The following UNC13A variants were observed in gnomAD, a reference collection of about 807,000 sequenced individuals.
The protein encoded by UNC13A is protein unc-13 homolog A.
Under a neutral mutation model 219.7 loss-of-function variants are expected in UNC13A, and 61 were observed. The observed-to-expected ratio is 0.28, with a 90% confidence interval of 0.23 to 0.34. The LOEUF (loss-of-function observed/expected upper bound fraction) is 0.34, where lower values mean the gene tolerates loss of function less well. Among genes scored for constraint, UNC13A ranks in the 10% least tolerant of loss-of-function variants. The pLI is 1.00. For synonymous variants in UNC13A, 920 were observed against 884.6 expected, an observed-to-expected ratio of 1.04 and a Z score of -0.71; for missense variants, 1,476 against 2,270.3, an observed-to-expected ratio of 0.65 and a Z score of 7.11.
chr19:17,658,907 TA>T, intron 8 of UNC13A, among the ~76,000 whole-genome samples: 1 of 152,240 alleles, frequency 6.6e-6, no homozygotes, highest in South Asian at 2.1e-4. Flanking sequence ...ACTTCATGTT[TA>T]ATAAGAACTA....
At chr19:17,620,345 T>C (rs964381281) in intron 38 of UNC13A, among the ~76,000 whole-genome samples, 1 of 152,164 alleles carries the variant, frequency 6.6e-6, no homozygotes, top group Non-Finnish European at 1.5e-5. Flanking sequence ...GAGGTATTAC[T>C]ATTATCATCT....
intron 8 of UNC13A, among the ~76,000 whole-genome samples, chr19:17,662,747 C>T (rs34543612): frequency 0.056 from 8,523 of 151,972 alleles, 351 homozygotes; most frequent in African/African-American, 0.11. Flanking sequence ...GGTGAAACCC[C>T]GTCTCTACTA....
chr19:17,645,604 C>T (rs1452775998), intron 19 of UNC13A, 70 bp downstream of exon 19: 8 of 1,590,014 alleles, frequency 5.0e-6, no homozygotes, highest in African/African-American at 4.0e-5. Flanking sequence ...CTCTGCTCTT[C>T]GTGGGCTCCA....
chr19:17,664,857 A>G (rs908830733), intron 7 of UNC13A, among the ~76,000 whole-genome samples: 2 of 152,194 alleles, frequency 1.3e-5, no homozygotes, highest in African/African-American at 4.8e-5. Flanking sequence ...TGAGGGAGAC[A>G]CAGATACAGG....
chr19:17,644,170 T>C (rs1164925610), intron 19 of UNC13A, among the ~76,000 whole-genome samples: 2 of 152,078 alleles, frequency 1.3e-5, no homozygotes, highest in African/African-American at 2.4e-5. Context: ...CCTCCCTCTT[T>C]AGACTGGATT....
Position 17,649,781 on chromosome 19 carries a change from T to C in UNC13A, c.1440-194A>G, listed in dbSNP as rs1418089115. Among the ~76,000 whole-genome samples, 1 of 152,134 alleles carries C rather than the reference T, an allele frequency of 6.6e-6. No individual in the cohort carries two copies. The highest frequency in any genetic ancestry group is 1.5e-5 in the Non-Finnish European group (1 of 68,020). The stretch of plus-strand genomic sequence containing the variant: ...GAAACGGGGTTGTCACAGATGTAAT[T>C]AGTTAAGATAAGGTCATACTGGAGT... On this transcript the variant is annotated intron_variant, in intron 12 of 43. Transcript: ENST00000519716. This position sits in a 1 kb window ranked among gnomAD's most constrained non-coding sequence, Gnocchi z 4.4.
chr19:17,627,069 G>A lies in UNC13A; in HGVS notation c.3921-284C>T, dbSNP rs772120330. ...TAGCTGGGTGTGGTGGCATGCACCT[G>A]TAGTCCCAGCTACTTGAACCCAGGA... On this transcript the variant is annotated intron_variant, in intron 33 of 43. Coordinates refer to ENST00000519716, the MANE Select transcript of UNC13A (RefSeq NM_001080421.3). This position sits in a 1 kb window ranked among gnomAD's most constrained non-coding sequence, Gnocchi z 4.7. Among the ~76,000 whole-genome samples, 17 of 152,040 alleles carry A rather than the reference G, an allele frequency of 1.1e-4. No individual in the cohort carries two copies. Among genetic ancestry groups the A allele is most frequent in the Non-Finnish European group, 2.4e-4 (16 of 68,022 alleles).
At chr19:17,609,139 T>G (rs1262234064) in intron 43 of UNC13A, among the ~76,000 whole-genome samples, 1 of 149,686 alleles carries the variant, frequency 6.7e-6, no homozygotes, top group Non-Finnish European at 1.5e-5. Flanking sequence ...TTTTTTTTTT[T>G]TTGTATTTTT....
intron 8 of UNC13A, among the ~76,000 whole-genome samples, chr19:17,660,228 C>G (rs954477995): frequency 6.6e-6 from 1 of 152,054 alleles, no homozygotes; most frequent in Non-Finnish European, 1.5e-5. Flanking sequence ...TTGTCCTTGA[C>G]CGGGCTGAGA....
chr19:17,684,910 A>G (rs1239400768), intron 1 of UNC13A, among the ~76,000 whole-genome samples: 1 of 152,188 alleles, frequency 6.6e-6, no homozygotes, highest in Non-Finnish European at 1.5e-5. Flanking sequence ...GAAAACACAC[A>G]TATTGATGTT....
In UNC13A at chr19:17,609,997, A is replaced by C; in HGVS notation, c.4754T>G (p.Phe1585Cys). ...GCTATTGTTCTTGGATTTGGTCGCA[A>C]ACTTGCGTTTCTTGTCGCTGAGCTG... is the stretch of plus-strand genomic sequence containing the variant. ...GPQLSDKKRK[F>C]ATKSKNNSWA... Residue 1585 changes from phenylalanine to cysteine, a missense_variant, in exon 43 of 44, where the codon TTT becomes TGT. Transcript: ENST00000519716. 6.2e-7 allele frequency: 1 copy of C among 1,614,038 alleles called. No homozygotes were observed. The highest frequency in any genetic ancestry group is 8.5e-7 in the Non-Finnish European group (1 of 1,179,904).
In UNC13A at chr19:17,627,831, C is replaced by A. The variant is rs759433463; in HGVS notation, c.3831+32G>T. ...GACACAGTGGTGGGGGTGCCCCATC[C>A]CTTCTCCAGCCCTGCCTCGGCCCTG... On this transcript the variant is annotated intron_variant, in intron 32 of 43. Coordinates refer to ENST00000519716, the MANE Select transcript of UNC13A (RefSeq NM_001080421.3). The surrounding 1 kb of genome is among the most constrained non-coding windows in gnomAD (Gnocchi z 4.7). 1 of 1,572,484 alleles carries A rather than the reference C, an allele frequency of 6.4e-7. No individual in the cohort carries two copies.
chr19:17,658,384 A>G (rs754745913), intron 8 of UNC13A, 115 bp from the exon 9 acceptor site: 1 of 965,934 alleles, frequency 1.0e-6, no homozygotes, highest in Non-Finnish European at 1.6e-6. Flanking sequence ...ATTTTTTACT[A>G]GTATGGATAA....
chr19:17,624,282 C>G (rs2076759687), intron 35 of UNC13A, among the ~76,000 whole-genome samples: 1 of 151,910 alleles, frequency 6.6e-6, no homozygotes, highest in African/African-American at 2.4e-5. Flanking sequence ...TCACACCCAG[C>G]TAATTTTTGT....
intron 26 of UNC13A, among the ~76,000 whole-genome samples, chr19:17,635,355 C>T (rs894346183): frequency 2.0e-5 from 3 of 152,178 alleles, no homozygotes; most frequent in African/African-American, 7.2e-5. Context: ...CCATCCAAAT[C>T]CCTGATCTTA....
At chr19:17,663,314 C>T (rs930631519) in intron 8 of UNC13A, among the ~76,000 whole-genome samples, 23 of 117,164 alleles carry the variant, frequency 2.0e-4, no homozygotes, top group Admixed American at 1.9e-3. Flanking sequence ...ACCCCAATGA[C>T]GGTGCCCACT....
In UNC13A at chr19:17,602,869, C is replaced by T. The variant is rs1229676762; in HGVS notation, c.*3185G>A. 6.6e-6 allele frequency: 1 copy of T among 152,328 alleles called. No individual in the cohort carries two copies. Among genetic ancestry groups the T allele is most frequent in the African/African-American group, 2.4e-5 (1 of 41,454 alleles). The allele number at this position is 152,328 out of a possible 1,614,324, so 9.4% of individuals were successfully genotyped here. A position where few individuals can be genotyped will look rare whatever the true frequency, so the allele number is the denominator to read the frequency against. On this transcript the variant is annotated 3_prime_UTR_variant, in exon 44 of 44. Transcript: ENST00000519716. Reference sequence around the variant, plus strand: ...TCCACTAGGCGTAGACTCCCTGTCACCCACTTGTGCCCAGCCTGTGCTAGG... The same window carrying T: ...TCCACTAGGCGTAGACTCCCTGTCATCCACTTGTGCCCAGCCTGTGCTAGG...
chr19:17,645,243 A>G (rs1202884504), intron 19 of UNC13A, among the ~76,000 whole-genome samples: 4 of 152,106 alleles, frequency 2.6e-5, no homozygotes, highest in African/African-American at 9.6e-5. Context: ...TCCTGACCTC[A>G]TGTGATCTGC....
At position 17,669,549 on chromosome 19, in the gene UNC13A, T is replaced by C; in HGVS notation, c.394+4A>G. ...GGGTGAAGGTCCCGGGCCCCTGTAC[T>C]CACCTAAGGGTAGCTCAAAGCGCGT... On this transcript the variant is annotated splice_donor_region_variant and intron_variant, in intron 5 of 43. Coordinates refer to ENST00000519716, the MANE Select transcript of UNC13A (RefSeq NM_001080421.3). The C allele has an allele frequency of 6.2e-7, 1 of 1,613,334 alleles. No individual in the cohort carries two copies. The highest frequency in any genetic ancestry group is 8.5e-7 in the Non-Finnish European group (1 of 1,179,488).
Sources: gnomAD v4.1 joint callset for allele counts (sites outside exome capture counted in the v4.1 genomes callset) on GRCh38, gnomAD v4.1.1 for gene constraint, Gnocchi (gnomAD v3.1) non-coding constraint, MANE v1.5 for transcripts, NCBI Gene and HGNC (gene_info 2026-07-23, HGNC 2026-07-21) for gene names.